Variants in PARD3B observed in about 807,000 individuals in gnomAD.
PARD3B encodes partitioning defective 3 homolog B.
A neutral mutation model predicts 130.2 loss-of-function variants in PARD3B; 103 were observed. That is an observed-to-expected ratio of 0.79 (90% CI 0.67 to 0.93). PARD3B has a LOEUF of 0.93. Ranked by LOEUF, PARD3B falls within the 40% of genes least tolerant of loss-of-function variation. The pLI is 0.00. For missense variants in PARD3B, 1,609 were observed against 1,499.2 expected (o/e 1.07, Z -1.21); for synonymous variants, 583 against 553.2 (o/e 1.05, Z -0.76).
intron 1 of PARD3B, among the ~76,000 whole-genome samples, chr2:204,685,141 T>C (rs79988085): frequency 0.046 from 6,980 of 152,260 alleles, 441 homozygotes; most frequent in East Asian, 0.14. Flanking sequence ...TATTAGTTCT[T>C]ATCCCTAATA....
intron 3 of PARD3B, among the ~76,000 whole-genome samples, chr2:204,991,001 T>A (rs376728352): frequency 6.6e-6 from 1 of 152,164 alleles, no homozygotes; most frequent in East Asian, 1.9e-4. Context: ...CTATTATAAT[T>A]CTGTGAAATT....
chr2:205,453,025 TAAG>T (rs951829790), intron 20 of PARD3B, among the ~76,000 whole-genome samples: 9 of 152,228 alleles, frequency 5.9e-5, no homozygotes, highest in Admixed American at 4.6e-4. Flanking sequence ...TTCTGTTTAC[TAAG>T]AAGAGGTTGG....
At chr2:205,444,538 G>A (rs2047838587) in intron 20 of PARD3B, among the ~76,000 whole-genome samples, 1 of 152,206 alleles carries the variant, frequency 6.6e-6, no homozygotes, top group South Asian at 2.1e-4. Flanking sequence ...TAGCAAGTGT[G>A]TAGTGGGTTT....
At chr2:205,221,138 G>C (rs942892575) in intron 15 of PARD3B, among the ~76,000 whole-genome samples, 1 of 152,168 alleles carries the variant, frequency 6.6e-6, no homozygotes. Flanking sequence ...TAAATGCAGA[G>C]TCCCACAGAT....
chr2:204,836,696 G>T (rs1383187831), intron 2 of PARD3B, among the ~76,000 whole-genome samples: 1 of 151,992 alleles, frequency 6.6e-6, no homozygotes, highest in Non-Finnish European at 1.5e-5. Flanking sequence ...AATACCTTTC[G>T]ATTATACTAT....
intron 3 of PARD3B, among the ~76,000 whole-genome samples, chr2:205,041,799 G>C (rs2125397765): frequency 6.6e-6 from 1 of 152,044 alleles, no homozygotes; most frequent in South Asian, 2.1e-4. Context: ...TTTGATGTGG[G>C]GCTCTTGTTT....
At chr2:205,248,675 A>G (rs184343597) in intron 16 of PARD3B, among the ~76,000 whole-genome samples, 1 of 125,266 alleles carries the variant, frequency 8.0e-6, no homozygotes, top group Non-Finnish European at 1.6e-5. Context: ...GGCGCGATCT[A>G]GGCTCACTGC....
chr2:205,036,434 T>A (rs999121936), intron 3 of PARD3B, among the ~76,000 whole-genome samples: 1 of 147,872 alleles, frequency 6.8e-6, no homozygotes, highest in Non-Finnish European at 1.5e-5. Context: ...AATATATGTA[T>A]ATAGTGGACT....
intron 15 of PARD3B, among the ~76,000 whole-genome samples, chr2:205,222,675 T>C (rs898764239): frequency 6.6e-6 from 1 of 152,222 alleles, no homozygotes; most frequent in African/African-American, 2.4e-5. Context: ...GCCCCTTTTA[T>C]TGATGGTTTA....
At chr2:205,386,652 GT>G (rs201495541) in intron 18 of PARD3B, among the ~76,000 whole-genome samples, 1 of 27,138 alleles carries the variant, frequency 3.7e-5, no homozygotes, top group Non-Finnish European at 8.4e-5. Flanking sequence ...ATTAAGTAGA[GT>G]TTTTTTTTTT....
At chr2:204,695,806 G>T (rs560131207) in intron 2 of PARD3B, among the ~76,000 whole-genome samples, 1 of 152,170 alleles carries the variant, frequency 6.6e-6, no homozygotes, top group East Asian at 1.9e-4. Flanking sequence ...GAGGAGGATG[G>T]TTATGTCAAA....
chr2:205,126,752 C>CAAAAAAAAAAAAAAAAAAAAA (rs4045004), intron 10 of PARD3B, among the ~76,000 whole-genome samples: 2 of 74,454 alleles, frequency 2.7e-5, no homozygotes, highest in Non-Finnish European at 4.5e-5. Context: ...GACTCCGTCT[C>CAAAAAAAAAAAAAAAAAAAAA]AAAAAAAAAA....
Position 205,142,262 on chromosome 2 carries a change from TTTAAATAGTTAAAGA to T in PARD3B, c.1435-16459_1435-16445del, listed in dbSNP as rs1446052720. Among the ~76,000 whole-genome samples, 2 of 152,174 alleles carry T rather than the reference TTTAAATAGTTAAAGA, an allele frequency of 1.3e-5. No homozygotes were observed. The highest frequency in any genetic ancestry group is 2.9e-5 in the Non-Finnish European group (2 of 68,028). On this transcript the variant is annotated intron_variant, in intron 10 of 22. Coordinates refer to ENST00000406610, the MANE Select transcript of PARD3B (RefSeq NM_001302769.2). The surrounding 1 kb of genome is among the most constrained non-coding windows in gnomAD (Gnocchi z 4.3). ...TAAGTTTTAGGTGGAGAGAATCCCA[TTTAAATAGTTAAAGA>T]AGGTATATGTAACATTTGATTAATT...
chr2:205,277,085 CCTT>C (rs2040978865), intron 16 of PARD3B, among the ~76,000 whole-genome samples: 1 of 152,184 alleles, frequency 6.6e-6, no homozygotes, highest in African/African-American at 2.4e-5. Context: ...GGAGAGGCAA[CCTT>C]CTAGGTTACA....
chr2:205,158,950 G>A lies in PARD3B; in HGVS notation c.1620+43G>A, dbSNP rs779217721. The A allele has an allele frequency of 1.9e-6, 3 of 1,597,704 alleles. No individual in the cohort carries two copies. In the East Asian group the frequency reaches 6.7e-5, roughly 36 times the overall value. ...TTGTACATCCTTTGAGAAGGCACTT[G>A]GAGATGTGACTGTTGTACTTAGAGA... On this transcript the variant is annotated intron_variant, in intron 11 of 22. Coordinates refer to ENST00000406610, the MANE Select transcript of PARD3B (RefSeq NM_001302769.2). The surrounding 1 kb of genome is among the most constrained non-coding windows in gnomAD (Gnocchi z 5.4).
At chr2:204,957,979 C>A (rs1690413855) in intron 2 of PARD3B, among the ~76,000 whole-genome samples, 1 of 151,948 alleles carries the variant, frequency 6.6e-6, no homozygotes, top group Non-Finnish European at 1.5e-5. Flanking sequence ...TAAAAAATAT[C>A]AATACATTGT....
At chr2:204,879,634 G>A (rs180724499) in intron 2 of PARD3B, among the ~76,000 whole-genome samples, 2 of 152,342 alleles carry the variant, frequency 1.3e-5, no homozygotes, top group African/African-American at 2.4e-5. Flanking sequence ...TGTATGGGTT[G>A]TGGGGGTATA....
rs373186345 is a variant in PARD3B at position 205,486,633 on chromosome 2, C to T, written c.3045-13263C>T. ...GCAGGCACATCTTATGCGTCTGGAG[C>T]AGGAGGAAGAGAGTGGGTTGGGTGG... is the stretch of plus-strand genomic sequence containing the variant. On this transcript the variant is annotated intron_variant, in intron 20 of 22. Coordinates refer to ENST00000406610, the MANE Select transcript of PARD3B (RefSeq NM_001302769.2). Among the ~76,000 whole-genome samples, 39 of 152,140 alleles carry T rather than the reference C, an allele frequency of 2.6e-4. 2 individuals are homozygous for T. The South Asian group carries it at 7.3e-3, about 28-fold the overall frequency.
At chr2:205,344,089 T>C (rs973306889) in intron 18 of PARD3B, among the ~76,000 whole-genome samples, 2 of 151,746 alleles carry the variant, frequency 1.3e-5, no homozygotes, top group Non-Finnish European at 2.9e-5. Context: ...AGCGGATACA[T>C]GGTGTTTGAT....
Sources: gnomAD v4.1 joint callset for allele counts (sites outside exome capture counted in the v4.1 genomes callset) on GRCh38, gnomAD v4.1.1 for gene constraint, Gnocchi (gnomAD v3.1) non-coding constraint, MANE v1.5 for transcripts, NCBI Gene and HGNC (gene_info 2026-07-23, HGNC 2026-07-21) for gene names.